Variants in XRCC4 observed in about 807,000 individuals in gnomAD.
XRCC4 encodes DNA repair protein XRCC4.
In XRCC4, 28 loss-of-function variants were observed where a neutral mutation model predicts 39.1. The ratio of observed to expected loss-of-function variants is 0.72; its 90% CI spans 0.53 to 0.98. The LOEUF is 0.98. Ranked by LOEUF, XRCC4 falls within the 50% of genes least tolerant of loss-of-function variation. The probability of loss-of-function intolerance (pLI) is 0.00; values close to 1 mark genes in which losing one functional copy is unlikely to be tolerated. For synonymous variants in XRCC4, 123 were observed against 126.4 expected (o/e 0.97, Z 0.18); for missense variants, 350 against 376.4 (o/e 0.93, Z 0.58).
intron 7 of XRCC4, among the ~76,000 whole-genome samples, chr5:83,297,356 T>C (rs1270535915): frequency 2.0e-5 from 3 of 152,006 alleles, no homozygotes; most frequent in Non-Finnish European, 4.4e-5. Flanking sequence ...AAATTACACA[T>C]ACTTTTATAT....
intron 3 of XRCC4, among the ~76,000 whole-genome samples, chr5:83,168,622 G>T (rs1749591470): frequency 6.6e-6 from 1 of 152,072 alleles, no homozygotes; most frequent in Non-Finnish European, 1.5e-5. Flanking sequence ...TATGTACTAG[G>T]CCATAAAGGA....
At chr5:83,184,009 T>C (rs567517658) in intron 3 of XRCC4, among the ~76,000 whole-genome samples, 1 of 152,102 alleles carries the variant, frequency 6.6e-6, no homozygotes, top group South Asian at 2.1e-4. Context: ...GGGAATATTT[T>C]GAATTGAAAT....
intron 7 of XRCC4, among the ~76,000 whole-genome samples, chr5:83,313,905 A>G (rs1755791761): frequency 6.7e-6 from 1 of 148,830 alleles, no homozygotes; most frequent in African/African-American, 2.5e-5. Context: ...TTTTCATTAA[A>G]ATATAAGTTT....
intron 6 of XRCC4, among the ~76,000 whole-genome samples, chr5:83,223,867 T>C (rs1291105839): frequency 1.6e-5 from 2 of 123,516 alleles, no homozygotes; most frequent in Non-Finnish European, 3.2e-5. Context: ...GTGTGTGATG[T>C]TCCCCTTCCT....
rs181490722 is a variant in XRCC4, at chr5:83,329,827, A to G, written c.894-23304A>G. ...CAAGAAATGACTGAGGAACTAAGGA[A>G]GAAGCCTAAAGTGATGTAACTGCTA... is the stretch of plus-strand genomic sequence containing the variant. On this transcript the variant is annotated intron_variant, in intron 7 of 7. Coordinates refer to ENST00000396027, the MANE Select transcript of XRCC4 (RefSeq NM_003401.5). Among the ~76,000 whole-genome samples, 26 of 152,248 alleles carry G rather than the reference A, an allele frequency of 1.7e-4. 1 individual carries two copies. In the East Asian group the frequency reaches 4.8e-3, roughly 28 times the overall value.
chr5:83,228,284 C>T (rs1443181787), intron 6 of XRCC4, among the ~76,000 whole-genome samples: 2 of 151,768 alleles, frequency 1.3e-5, no homozygotes, highest in Non-Finnish European at 2.9e-5. Context: ...ATGTGGTAGA[C>T]TAAACTTTGA....
chr5:83,324,540 A>C (rs1756183858), intron 7 of XRCC4, among the ~76,000 whole-genome samples: 1 of 152,142 alleles, frequency 6.6e-6, no homozygotes. Context: ...GTTGATCAAT[A>C]TTTTGGGATT....
intron 3 of XRCC4, among the ~76,000 whole-genome samples, chr5:83,173,734 G>C (rs1443981159): frequency 6.6e-6 from 1 of 152,124 alleles, no homozygotes; most frequent in Admixed American, 6.5e-5. Context: ...TAGAATATTA[G>C]ATCTGTCCAG....
chr5:83,338,963 T>G lies in XRCC4; in HGVS notation c.894-14168T>G, dbSNP rs2112193334. ...ATTGAAATCATAATACCATACATAT[T>G]AGAGACTTTTCCAGGGCAAAAAAAT... On this transcript the variant is annotated intron_variant, in intron 7 of 7. Coordinates refer to ENST00000396027, the MANE Select transcript of XRCC4 (RefSeq NM_003401.5). 2.0e-5 allele frequency among the ~76,000 whole-genome samples: 3 copies of G among 152,304 alleles called. No homozygotes were observed. The South Asian group carries it at 6.2e-4, about 32-fold the overall frequency.
intron 7 of XRCC4, among the ~76,000 whole-genome samples, chr5:83,333,977 C>T (rs1198529612): frequency 6.6e-6 from 1 of 152,052 alleles, no homozygotes; most frequent in Non-Finnish European, 1.5e-5. Context: ...ACCATATTGG[C>T]CAGGCTGGTC....
intron 7 of XRCC4, among the ~76,000 whole-genome samples, chr5:83,312,335 C>T (rs1755735539): frequency 6.6e-6 from 1 of 152,136 alleles, no homozygotes; most frequent in African/African-American, 2.4e-5. Context: ...GGTAAATCCA[C>T]AGAATTTACA....
chr5:83,310,428 T>C (rs1755666199), intron 7 of XRCC4, among the ~76,000 whole-genome samples: 1 of 152,088 alleles, frequency 6.6e-6, no homozygotes, highest in South Asian at 2.1e-4. Flanking sequence ...GAGAGGGTGA[T>C]CAAGAAAAAG....
chr5:83,272,381 G>A (rs935331694), intron 7 of XRCC4, among the ~76,000 whole-genome samples: 1 of 152,050 alleles, frequency 6.6e-6, no homozygotes, highest in African/African-American at 2.4e-5. Flanking sequence ...TTAGTGTGGG[G>A]TGTTCCCTTG....
At chr5:83,166,774 G>C (rs1230330897) in intron 3 of XRCC4, among the ~76,000 whole-genome samples, 1 of 151,994 alleles carries the variant, frequency 6.6e-6, no homozygotes, top group Non-Finnish European at 1.5e-5. Flanking sequence ...ACCGTGCTTG[G>C]CCAAGCATTT....
chr5:83,101,599 A>C (rs765416098), intron 1 of XRCC4, among the ~76,000 whole-genome samples: 39 of 152,120 alleles, frequency 2.6e-4, no homozygotes, highest in Non-Finnish European at 4.7e-4. Context: ...TTCTTCTTAC[A>C]TTCTTGTGAC....
At chr5:83,259,309 T>A (rs1430509147) in intron 7 of XRCC4, 1 of 152,242 alleles carries the variant, frequency 6.6e-6, no homozygotes, top group African/African-American at 2.4e-5. Context: ...TCTTTGGGTA[T>A]GTGTATGTAT....
intron 3 of XRCC4, among the ~76,000 whole-genome samples, chr5:83,136,342 C>T (rs1190476015): frequency 1.3e-5 from 2 of 152,166 alleles, no homozygotes; most frequent in East Asian, 3.8e-4. Flanking sequence ...GAGATATTTT[C>T]TTCCTTTCTT....
chr5:83,284,898 A>G (rs950780907), intron 7 of XRCC4, among the ~76,000 whole-genome samples: 1 of 152,108 alleles, frequency 6.6e-6, no homozygotes, highest in African/African-American at 2.4e-5. Flanking sequence ...TATTTTATGT[A>G]TATATTAAAC....
In XRCC4 at chr5:83,310,732, G is replaced by C. The variant is rs116794514; in HGVS notation, c.894-42399G>C. 1,189 of 453,478 alleles carry C rather than the reference G, an allele frequency of 2.6e-3. 13 individuals carry two copies. The highest frequency in any genetic ancestry group is 0.022 in the African/African-American group (1,084 of 49,824). 28.1% of individuals were successfully genotyped at this position (453,478 alleles called of 1,614,324 possible). A position where few individuals can be genotyped will look rare whatever the true frequency, so the allele number is the denominator to read the frequency against. ...ATTAAATTAAGTATCTGAGATGCAG[G>C]GGTTATTCTGGATTATCTGGATGAA... On this transcript the variant is annotated intron_variant, in intron 7 of 7. Coordinates refer to ENST00000396027, the MANE Select transcript of XRCC4 (RefSeq NM_003401.5).
Sources: gnomAD v4.1 joint callset for allele counts (sites outside exome capture counted in the v4.1 genomes callset) on GRCh38, gnomAD v4.1.1 for gene constraint, MANE v1.5 for transcripts, NCBI Gene and HGNC (gene_info 2026-07-23, HGNC 2026-07-21) for gene names.